CEP83: variants seen among roughly 807,000 people sequenced by gnomAD.
The protein encoded by CEP83 is centrosomal protein of 83 kDa.
CEP83 carries 70 observed loss-of-function variants against 101.9 expected under a neutral mutation model. The observed-to-expected ratio is 0.69, with a 90% CI of 0.57 to 0.84. The LOEUF (loss-of-function observed/expected upper bound fraction) is 0.84, where lower values mean the gene tolerates loss of function less well. CEP83 is among the 40% of genes least tolerant of loss of function. The probability of loss-of-function intolerance (pLI) is 0.00; values close to 1 mark genes in which losing one functional copy is unlikely to be tolerated. For synonymous variants in CEP83, 264 were observed against 267.9 expected (o/e 0.99, Z 0.14); for missense variants, 715 against 787.2 (o/e 0.91, Z 1.10).
chr12:94,363,102 G>T (rs1184832119), intron 11 of CEP83, among the ~76,000 whole-genome samples: 1 of 152,176 alleles, frequency 6.6e-6, no homozygotes. Context: ...AATAATTTCT[G>T]GTGTTCTACA....
intron 1 of CEP83, among the ~76,000 whole-genome samples, chr12:94,448,411 G>C (rs754323426): frequency 9.9e-5 from 15 of 152,132 alleles, no homozygotes; most frequent in Admixed American, 2.0e-4. Context: ...GGATATAGAA[G>C]TCTTGACTAA....
chr12:94,273,997 C>T, the CEP83 span, among the ~76,000 whole-genome samples: 1 of 151,952 alleles, frequency 6.6e-6, no homozygotes, highest in South Asian at 2.1e-4. Flanking sequence ...GCTGCCACCG[C>T]TCCAAGCGCT....
the CEP83 span, among the ~76,000 whole-genome samples, chr12:94,293,895 C>T: frequency 6.6e-6 from 1 of 152,092 alleles, no homozygotes; most frequent in Admixed American, 6.6e-5. Flanking sequence ...GCTGGGATCG[C>T]AGGAGTGAGG....
At chr12:94,420,692 G>C (rs771239785) in intron 2 of CEP83, among the ~76,000 whole-genome samples, 31 of 152,048 alleles carry the variant, frequency 2.0e-4, no homozygotes, top group Admixed American at 4.6e-4. Flanking sequence ...CGAAAGACTG[G>C]ACACCCCTGC....
Position 94,448,891 on chromosome 12 carries a change from A to AG in CEP83, c.-155+10665dup, listed in dbSNP as rs1238789654. The stretch of plus-strand genomic sequence containing the variant: ...AGGAAACTAGAAAAATAAGGAGCAG[A>AG]GGGGATATTAAACCCAAAACAAGCA... On this transcript the variant is annotated intron_variant, in intron 1 of 16. Transcript: ENST00000397809. Among the ~76,000 whole-genome samples, 5 of 152,114 alleles carry AG rather than the reference A, an allele frequency of 3.3e-5. No homozygotes were observed. In the East Asian group the frequency reaches 9.7e-4, roughly 29 times the overall value.
At chr12:94,294,873 C>T in the CEP83 span, among the ~76,000 whole-genome samples, 3 of 152,134 alleles carry the variant, frequency 2.0e-5, no homozygotes, top group African/African-American at 7.2e-5. Context: ...CCCTGGCAAA[C>T]TGAGAGGGAA....
In CEP83 at chr12:94,435,258, A is replaced by G. The variant is rs537605065; in HGVS notation, c.-102+17T>C. 1 of 152,370 alleles carries G rather than the reference A, an allele frequency of 6.6e-6. No homozygotes were observed. The highest frequency in any genetic ancestry group is 2.1e-4 in the South Asian group (1 of 4,824). 9.4% of individuals were successfully genotyped at this position (152,370 alleles called of 1,614,324 possible). On this transcript the variant is annotated intron_variant, in intron 2 of 16. Transcript: ENST00000397809. ...TGGCATTTGAGAAAAAAGCAGAAGC[A>G]AGAAGGTTTATCTCACCTTCCTCTA...
At chr12:94,447,734 G>A (rs1234368961) in intron 1 of CEP83, among the ~76,000 whole-genome samples, 1 of 151,970 alleles carries the variant, frequency 6.6e-6, no homozygotes, top group Non-Finnish European at 1.5e-5. Context: ...GATAACACTG[G>A]AGGAAAGTTT....
At chr12:94,289,574 T>G in the CEP83 span, among the ~76,000 whole-genome samples, 1 of 152,206 alleles carries the variant, frequency 6.6e-6, no homozygotes, top group African/African-American at 2.4e-5. Flanking sequence ...GGACGATTAA[T>G]GAGTCACTCT....
chr12:94,432,052 CTTT>C (rs931596597), intron 2 of CEP83, among the ~76,000 whole-genome samples: 62 of 150,472 alleles, frequency 4.1e-4, no homozygotes, highest in Admixed American at 2.0e-3. Flanking sequence ...AATGGATTAA[CTTT>C]TTCTTTTTTT....
intron 14 of CEP83, among the ~76,000 whole-genome samples, chr12:94,313,835 C>G (rs1970249681): frequency 6.6e-6 from 1 of 151,824 alleles, no homozygotes; most frequent in Non-Finnish European, 1.5e-5. Flanking sequence ...GACTCTGTCT[C>G]AAAAAAGGAA....
chr12:94,399,510 G>T (rs756397292), intron 6 of CEP83, among the ~76,000 whole-genome samples: 5 of 152,210 alleles, frequency 3.3e-5, no homozygotes, highest in African/African-American at 4.8e-5. Context: ...AGTAGTCCGA[G>T]ATCAGCTGGG....
chr12:94,430,017 C>T (rs1371561760), intron 2 of CEP83, among the ~76,000 whole-genome samples: 1 of 152,144 alleles, frequency 6.6e-6, no homozygotes, highest in Non-Finnish European at 1.5e-5. Flanking sequence ...GATCACCCCA[C>T]CCCTTCCTAA....
chr12:94,335,598 G>A lies in CEP83; in HGVS notation c.1410C>T (p.Asp470=). ...TTCGCTAAAATCATACCTGTTTTAGGTCAGAATTTTCATTTTTTTCCTTCT... is the reference window on the plus strand; with the variant it reads ...TTCGCTAAAATCATACCTGTTTTAGATCAGAATTTTCATTTTTTTCCTTCT... ...NAEKEKNENS[D]LKQQISSLQI... Residue 470 remains aspartate (D), a synonymous_variant, in exon 12 of 17, where the codon GAC becomes GAT. Transcript: ENST00000397809. 1 of 1,565,602 alleles carries A rather than the reference G, an allele frequency of 6.4e-7. No homozygotes were observed. Among genetic ancestry groups the A allele is most frequent in the Non-Finnish European group, 8.7e-7 (1 of 1,147,994 alleles).
the CEP83 span, among the ~76,000 whole-genome samples, chr12:94,285,046 CAGG>C: frequency 2.0e-5 from 3 of 152,040 alleles, no homozygotes; most frequent in Non-Finnish European, 2.9e-5. Context: ...ATCAGATGCT[CAGG>C]AGGAGGACAC....
At chr12:94,287,488 G>A in the CEP83 span, among the ~76,000 whole-genome samples, 1 of 152,170 alleles carries the variant, frequency 6.6e-6, no homozygotes, top group Non-Finnish European at 1.5e-5. Flanking sequence ...TATTGCACCC[G>A]CACCCTGCTA....
chr12:94,301,577 A>C (rs112187100), downstream of CEP83, among the ~76,000 whole-genome samples: 981 of 152,300 alleles, frequency 6.4e-3, 15 homozygotes, highest in African/African-American at 0.023. Context: ...AGAAAGACAA[A>C]AATCAGAGCA....
chr12:94,331,583 A>G (rs939120575), intron 14 of CEP83, 117 bp downstream of exon 14: 2 of 811,092 alleles, frequency 2.5e-6, no homozygotes, highest in African/African-American at 3.4e-5. Flanking sequence ...GTTAGCCAGG[A>G]TGGTCTCAAT....
At chr12:94,333,763 GA>G in intron 12 of CEP83, 124 bp from the exon 13 acceptor site, 1 of 809,482 alleles carries the variant, frequency 1.2e-6, no homozygotes, top group Non-Finnish European at 2.0e-6. Context: ...TGTCCTTGGA[GA>G]TGACCCCTAA....
Sources: gnomAD v4.1 joint callset for allele counts (sites outside exome capture counted in the v4.1 genomes callset) on GRCh38, gnomAD v4.1.1 for gene constraint, MANE v1.5 for transcripts, NCBI Gene and HGNC (gene_info 2026-07-23, HGNC 2026-07-21) for gene names.